The following NXN variants were observed in gnomAD, a reference collection of about 807,000 sequenced individuals.
The protein encoded by NXN is nucleoredoxin.
NXN carries 16 observed loss-of-function variants against 48.6 expected under a neutral mutation model. The observed-to-expected ratio is 0.33, with a 90% CI of 0.22 to 0.50. NXN has a LOEUF of 0.50. NXN is among the 20% of genes least tolerant of loss of function. The pLI is 0.98. For synonymous variants in NXN, 281 were observed against 269.6 expected, an observed-to-expected ratio of 1.04 and a Z score of -0.41; for missense variants, 492 against 605.5, an observed-to-expected ratio of 0.81 and a Z score of 1.97.
At chr17:855,216 T>A (rs1809482946) in intron 1 of NXN, among the ~76,000 whole-genome samples, 1 of 152,182 alleles carries the variant, frequency 6.6e-6, no homozygotes, top group Non-Finnish European at 1.5e-5. Flanking sequence ...TTTTTGAGGC[T>A]GCAGTGAGCT....
intron 1 of NXN, chr17:863,796 A>G (rs1318978129): frequency 5.9e-6 from 4 of 674,956 alleles, no homozygotes; most frequent in Non-Finnish European, 1.0e-5. Flanking sequence ...CTGGTTGAAA[A>G]AAGTCCACAT....
rs1180154841 is a variant in NXN at position 919,497 on chromosome 17, T to C, written c.360+59822A>G. On this transcript the variant is annotated intron_variant, in intron 1 of 7. Transcript: ENST00000336868. The surrounding 1 kb of genome is among the most constrained non-coding windows in gnomAD (Gnocchi z 5.1). Reference sequence around the variant, plus strand: ...ATTGTAACACGAGGAAAAAGCCCTGTAATCTCAGCACAACCAGAAATTAAA... The same window carrying C: ...ATTGTAACACGAGGAAAAAGCCCTGCAATCTCAGCACAACCAGAAATTAAA... Among the ~76,000 whole-genome samples the C allele has an allele frequency of 6.6e-6, 1 of 152,208 alleles. No individual in the cohort carries two copies.
rs113824007 is a variant in NXN, at chr17:870,755, GA to G, written c.361-44678del. Among the ~76,000 whole-genome samples, 1,310 of 131,296 alleles carry G rather than the reference GA, an allele frequency of 1.0e-2. 14 individuals carry two copies. The highest frequency in any genetic ancestry group is 0.032 in the East Asian group (144 of 4,500). The allele number at this position is 131,296 out of a possible 152,430, so 86.1% of individuals were successfully genotyped here. The stretch of plus-strand genomic sequence containing the variant: ...GGGCAACAGAGTGAGACTCTGTCTG[GA>G]AAAAAAAAAAAAAAGAATCTTATCC... On this transcript the variant is annotated intron_variant, in intron 1 of 7. Transcript: ENST00000336868.
rs548495058 is a variant in NXN, at chr17:932,482, C to G, written c.360+46837G>C. 3.3e-5 allele frequency among the ~76,000 whole-genome samples: 5 copies of G among 152,324 alleles called. No homozygotes were observed. Among genetic ancestry groups the G allele is most frequent in the South Asian group, 2.1e-4 (1 of 4,822 alleles). ...CGCAGGTCTTCAGCAAAACAAAACT[C>G]TGAGGCGGCGTTGGGTCCAGTCGTC... is the stretch of plus-strand genomic sequence containing the variant. On this transcript the variant is annotated intron_variant, in intron 1 of 7. Transcript: ENST00000336868. This position sits in a 1 kb window ranked among gnomAD's most constrained non-coding sequence, Gnocchi z 4.1.
At chr17:953,489 C>T (rs1457113841) in intron 1 of NXN, among the ~76,000 whole-genome samples, 1 of 152,210 alleles carries the variant, frequency 6.6e-6, no homozygotes, top group East Asian at 1.9e-4. Flanking sequence ...CACCCCCTGT[C>T]CCTGAGGACG....
At position 956,912 on chromosome 17, in the gene NXN, T is replaced by G. The variant is rs1186495398; in HGVS notation, c.360+22407A>C. Among the ~76,000 whole-genome samples, 1 of 152,192 alleles carries G rather than the reference T, an allele frequency of 6.6e-6. No homozygotes were observed. The highest frequency in any genetic ancestry group is 1.5e-5 in the Non-Finnish European group (1 of 68,036). On this transcript the variant is annotated intron_variant, in intron 1 of 7. Coordinates refer to ENST00000336868, the MANE Select transcript of NXN (RefSeq NM_022463.5). The surrounding 1 kb of genome is among the most constrained non-coding windows in gnomAD (Gnocchi z 4.1). ...CTGGCCCCTCCGTTCTCAGAGCTCC[T>G]GCGGGCAACTCCAGCCCTTTTAGAA...
chr17:840,326 C>T (rs1279781873), intron 1 of NXN, among the ~76,000 whole-genome samples: 2 of 151,898 alleles, frequency 1.3e-5, no homozygotes, highest in Middle Eastern at 3.4e-3. Flanking sequence ...TACTCTCAGC[C>T]TGGTGTGCAG....
intron 1 of NXN, among the ~76,000 whole-genome samples, chr17:880,820 A>C (rs2068275917): frequency 6.6e-6 from 1 of 152,118 alleles, no homozygotes; most frequent in Admixed American, 6.5e-5. Context: ...CTGACTGCGA[A>C]GGACAGATAC....
chr17:864,127 C>T (rs544628287), intron 1 of NXN: 31 of 1,463,838 alleles, frequency 2.1e-5, no homozygotes, highest in South Asian at 4.1e-5. Context: ...TGCTCACTTC[C>T]GGTGAAGGGG....
chr17:936,495 T>A (rs184627568), intron 1 of NXN, among the ~76,000 whole-genome samples: 392 of 151,636 alleles, frequency 2.6e-3, no homozygotes, highest in African/African-American at 8.5e-3. Flanking sequence ...GCTCGATGAT[T>A]CTCTCCTTCC....
Position 940,787 on chromosome 17 carries a change from C to A in NXN, c.360+38532G>T, listed in dbSNP as rs188874800. 2.7e-5 allele frequency among the ~76,000 whole-genome samples: 4 copies of A among 149,750 alleles called. No homozygotes were observed. The South Asian group carries it at 6.4e-4, about 24-fold the overall frequency. ...ATTCAGATCACATCTCCCTGGATTT[C>A]CAGTGAAATAGATTCCAGGGTGCAG... On this transcript the variant is annotated intron_variant, in intron 1 of 7. Transcript: ENST00000336868.
At chr17:965,437 C>G (rs2069290492) in intron 1 of NXN, among the ~76,000 whole-genome samples, 1 of 152,200 alleles carries the variant, frequency 6.6e-6, no homozygotes, top group Non-Finnish European at 1.5e-5. Context: ...TCATTTCAGA[C>G]TATCTTTCCT....
At chr17:860,703 T>G (rs752132348) in intron 1 of NXN, among the ~76,000 whole-genome samples, 7 of 152,274 alleles carry the variant, frequency 4.6e-5, no homozygotes, top group Non-Finnish European at 7.3e-5. Flanking sequence ...CTGCATAGTT[T>G]TGACTTTTGA....
chr17:904,315 C>T (rs1053692912), intron 1 of NXN, among the ~76,000 whole-genome samples: 4 of 149,364 alleles, frequency 2.7e-5, no homozygotes, highest in East Asian at 3.9e-4. Flanking sequence ...GGCTTCCATC[C>T]GACAGACTGG....
intron 1 of NXN, among the ~76,000 whole-genome samples, chr17:880,852 T>C (rs1466856090): frequency 1.3e-5 from 2 of 152,032 alleles, no homozygotes; most frequent in Admixed American, 6.6e-5. Context: ...CACTAAGTAA[T>C]GCAGTTGGTT....
intron 1 of NXN, among the ~76,000 whole-genome samples, chr17:942,176 C>T (rs1317366542): frequency 2.0e-4 from 24 of 122,830 alleles, no homozygotes; most frequent in South Asian, 2.8e-4. Context: ...GATTCCAGGG[C>T]GCAGCCATGA....
chr17:841,474 G>A (rs969307060), intron 1 of NXN, among the ~76,000 whole-genome samples: 93 of 115,212 alleles, frequency 8.1e-4, no homozygotes, highest in South Asian at 3.0e-3. Flanking sequence ...TCACACGGGC[G>A]AGCAGGTCCC....
intron 1 of NXN, among the ~76,000 whole-genome samples, chr17:921,850 C>G (rs2068753422): frequency 2.0e-5 from 3 of 152,236 alleles, no homozygotes. Flanking sequence ...GGCTCTCTCC[C>G]TCATTGGCCA....
chr17:846,427 A>AG (rs1377905945), intron 1 of NXN, among the ~76,000 whole-genome samples: 2 of 149,686 alleles, frequency 1.3e-5, no homozygotes, highest in African/African-American at 2.4e-5. Flanking sequence ...AAAAAAAAAA[A>AG]AAAAGAAAAG....
Sources: allele counts gnomAD v4.1 joint callset (sites outside exome capture counted in the v4.1 genomes callset), GRCh38; gene constraint gnomAD v4.1.1; non-coding constraint Gnocchi (gnomAD v3.1); transcripts MANE v1.5; gene names NCBI Gene and HGNC (gene_info 2026-07-23, HGNC 2026-07-21).